The following RBFOX1 variants were observed in gnomAD, a reference collection of about 807,000 sequenced individuals.
The protein encoded by RBFOX1 is RNA binding fox-1 homolog 1.
In RBFOX1, 8 loss-of-function variants were observed where a neutral mutation model predicts 57.7. That is an observed-to-expected ratio of 0.14 (90% CI 0.08 to 0.25). RBFOX1 has a LOEUF of 0.25. Among genes scored for constraint, RBFOX1 ranks in the 10% least tolerant of loss-of-function variants. RBFOX1 has a pLI of 1.00. For synonymous variants in RBFOX1, 326 were observed against 222.4 expected (o/e 1.47, Z -4.15); for missense variants, 611 against 548.5 (o/e 1.11, Z -1.14).
intron 1 of RBFOX1, among the ~76,000 whole-genome samples, chr16:5,293,568 A>T (rs1280363029): frequency 6.6e-6 from 1 of 152,200 alleles, no homozygotes; most frequent in African/African-American, 2.4e-5. Context: ...TGTAGTAGGC[A>T]CCAATACTTC....
At chr16:5,763,740 C>T (rs1210416230) in intron 3 of RBFOX1, among the ~76,000 whole-genome samples, 1 of 152,186 alleles carries the variant, frequency 6.6e-6, no homozygotes, top group South Asian at 2.1e-4. Flanking sequence ...TGTGGTAACT[C>T]GGTTGCACTT....
Position 6,005,700 on chromosome 16 carries a change from A to G in RBFOX1, c.351+138365A>G, listed in dbSNP as rs7185652. On this transcript the variant is annotated intron_variant, in intron 4 of 19. Transcript: ENST00000641259. Reference sequence around the variant, plus strand: ...GACATTGCCAAATGCCCCTGGGGGAAAAACATTGCCCCTGTTGAGAAAGTC... The same window carrying G: ...GACATTGCCAAATGCCCCTGGGGGAGAAACATTGCCCCTGTTGAGAAAGTC... Among the ~76,000 whole-genome samples the G allele has an allele frequency of 9.1e-3, 1,383 of 152,324 alleles. 32 individuals are homozygous for G. Among genetic ancestry groups the G allele is most frequent in the African/African-American group, 0.032 (1,318 of 41,582 alleles).
At chr16:6,608,787 C>G (rs1313118725) in intron 2 of RBFOX1, among the ~76,000 whole-genome samples, 1 of 152,174 alleles carries the variant, frequency 6.6e-6, no homozygotes, top group African/African-American at 2.4e-5. Flanking sequence ...CAAACAAAAA[C>G]AGAAGTTGGT....
intron 4 of RBFOX1, among the ~76,000 whole-genome samples, chr16:7,292,253 GAT>G (rs1442411448): frequency 1.3e-4 from 11 of 81,770 alleles, no homozygotes; most frequent in African/African-American, 4.9e-4. Flanking sequence ...TCATATATAT[GAT>G]ATATGATATA....
chr16:5,637,924 C>T (rs1040888327), intron 3 of RBFOX1, among the ~76,000 whole-genome samples: 1 of 152,190 alleles, frequency 6.6e-6, no homozygotes, highest in Non-Finnish European at 1.5e-5. Context: ...AAGCACCAAG[C>T]CTTCTTTTGA....
chr16:6,442,555 T>G (rs375989679), intron 2 of RBFOX1, among the ~76,000 whole-genome samples: 3 of 132,652 alleles, frequency 2.3e-5, no homozygotes, highest in Admixed American at 7.4e-5. Context: ...CCTCAGAAAA[T>G]AAAAAAAAAA....
chr16:6,666,867 C>T (rs1013143966), intron 3 of RBFOX1, among the ~76,000 whole-genome samples: 1 of 152,132 alleles, frequency 6.6e-6, no homozygotes, highest in Non-Finnish European at 1.5e-5. Context: ...AAGGTATTAT[C>T]TCGGGGTCCT....
rs2083905362 is a variant in RBFOX1, at chr16:7,710,866, A to G, written c.*121A>G. 9.9e-7 allele frequency: 1 copy of G among 1,009,832 alleles called. No homozygotes were observed. Among genetic ancestry groups the G allele is most frequent in the East Asian group, 3.2e-5 (1 of 30,916 alleles). 62.6% of individuals were successfully genotyped at this position (1,009,832 alleles called of 1,614,324 possible). A position where few individuals can be genotyped will look rare whatever the true frequency, so the allele number is the denominator to read the frequency against. On this transcript the variant is annotated 3_prime_UTR_variant, in exon 16 of 16. Transcript: ENST00000550418. ...CTCTAAAAAAAAAAAAAATACAAAT[A>G]AAAAGGAAAAAAAATTACATTTTTT...
At chr16:6,912,343 C>A (rs575141833) in intron 3 of RBFOX1, among the ~76,000 whole-genome samples, 34 of 152,192 alleles carry the variant, frequency 2.2e-4, no homozygotes, top group African/African-American at 7.7e-4. Context: ...ATTTACACTT[C>A]TAGCAAGTTC....
In RBFOX1 at chr16:7,518,436, C is replaced by A. The variant is rs757945129; in HGVS notation, c.270+47C>A. 1.9e-6 allele frequency: 3 copies of A among 1,560,686 alleles called. No homozygotes were observed. In the African/African-American group the frequency reaches 4.0e-5, roughly 21 times the overall value. On this transcript the variant is annotated intron_variant, in intron 5 of 15. Transcript: ENST00000550418. ...GGGTGGGAGGTTATGGGGAGGCGCC[C>A]CCAGCCCTGGTAATGGCAGCGGGGG... is the stretch of plus-strand genomic sequence containing the variant.
Position 5,791,082 on chromosome 16 carries a change from C to T in RBFOX1, c.319-76221C>T, listed in dbSNP as rs528334748. ...TGGAGTTTCACCATGTTGACCAGGC[C>T]GGTCTCAGCTCCTGGCCTCAAGTGA... On this transcript the variant is annotated intron_variant, in intron 3 of 19. Coordinates refer to the RBFOX1 transcript ENST00000641259. Among the ~76,000 whole-genome samples the T allele has an allele frequency of 1.6e-4, 25 of 152,006 alleles. 1 individual carries two copies. The South Asian group carries it at 3.7e-3, about 23-fold the overall frequency.
rs565020407 is a variant in RBFOX1 at position 7,129,269 on chromosome 16, A to G, written c.27+77171A>G. Among the ~76,000 whole-genome samples the G allele has an allele frequency of 1.3e-3, 196 of 152,218 alleles. No homozygotes were observed. The Middle Eastern group carries it at 0.014, about 11-fold the overall frequency. ...GGATAGTAACCCCACAATTGAACCA[A>G]TCATTTTGGCCAGGAAAACAAAGTG... On this transcript the variant is annotated intron_variant, in intron 4 of 15. Transcript: ENST00000550418.
At chr16:7,532,227 G>C (rs1288579116) in intron 5 of RBFOX1, among the ~76,000 whole-genome samples, 1 of 150,766 alleles carries the variant, frequency 6.6e-6, no homozygotes, top group Non-Finnish European at 1.5e-5. Flanking sequence ...TAATTGGCTT[G>C]CAAGTGGGAG....
intron 4 of RBFOX1, among the ~76,000 whole-genome samples, chr16:7,348,256 A>T (rs528366782): frequency 3.3e-4 from 50 of 152,344 alleles, no homozygotes; most frequent in South Asian, 2.7e-3. Flanking sequence ...ACCACTCTTT[A>T]TGTATCCTGG....
intron 1 of RBFOX1, among the ~76,000 whole-genome samples, chr16:6,140,421 C>T (rs1330778668): frequency 6.6e-6 from 1 of 152,032 alleles, no homozygotes; most frequent in Admixed American, 6.6e-5. Flanking sequence ...GCCTCGAATT[C>T]CTGGATTGAA....
At chr16:7,583,754 G>T (rs2093948483) in intron 6 of RBFOX1, among the ~76,000 whole-genome samples, 1 of 152,094 alleles carries the variant, frequency 6.6e-6, no homozygotes, top group Non-Finnish European at 1.5e-5. Flanking sequence ...GCCGAGGTGG[G>T]AGGGTTGCTT....
At chr16:6,419,361 A>G (rs2093712060) in intron 2 of RBFOX1, among the ~76,000 whole-genome samples, 1 of 152,178 alleles carries the variant, frequency 6.6e-6, no homozygotes, top group African/African-American at 2.4e-5. Context: ...CTCTCTAAAA[A>G]GTGTGGAGTG....
intron 4 of RBFOX1, among the ~76,000 whole-genome samples, chr16:7,135,400 A>C (rs75355768): frequency 2.0e-5 from 3 of 152,250 alleles, no homozygotes; most frequent in Non-Finnish European, 4.4e-5. Context: ...ATGAGCATGC[A>C]CAAAGTAAGA....
At chr16:5,690,497 A>G (rs1050049823) in intron 3 of RBFOX1, among the ~76,000 whole-genome samples, 2 of 152,126 alleles carry the variant, frequency 1.3e-5, no homozygotes, top group African/African-American at 4.8e-5. Context: ...CGCTCTTGGC[A>G]TAACGCCTGG....
Sources: allele counts gnomAD v4.1 joint callset (sites outside exome capture counted in the v4.1 genomes callset), GRCh38; gene constraint gnomAD v4.1.1; transcripts MANE v1.5; gene names NCBI Gene and HGNC (gene_info 2026-07-23, HGNC 2026-07-21).